NRG3: variants seen among roughly 807,000 people sequenced by gnomAD.
The protein encoded by NRG3 is neuregulin 3.
A neutral mutation model predicts 66.9 loss-of-function variants in NRG3; 31 were observed. That is an observed-to-expected ratio of 0.46 (90% CI 0.35 to 0.63). NRG3 has a LOEUF of 0.63. Among genes scored for constraint, NRG3 ranks in the 20% least tolerant of loss-of-function variants. The pLI, the probability that NRG3 is intolerant of heterozygous loss-of-function variation, is 0.00. For synonymous variants in NRG3, 393 were observed against 359.4 expected, an observed-to-expected ratio of 1.09 and a Z score of -1.06; for missense variants, 910 against 878.9, an observed-to-expected ratio of 1.04 and a Z score of -0.45.
chr10:82,003,988 AACACACACACACACACACAC>A (rs746699197), intron 1 of NRG3, among the ~76,000 whole-genome samples: 113 of 134,422 alleles, frequency 8.4e-4, no homozygotes, highest in African/African-American at 1.9e-3. Context: ...CCTGACTGAA[AACACACACACACACACACAC>A]ACACACACAC....
At chr10:82,180,566 T>G (rs796550919) in intron 1 of NRG3, among the ~76,000 whole-genome samples, 32 of 152,070 alleles carry the variant, frequency 2.1e-4, no homozygotes, top group African/African-American at 7.5e-4. Flanking sequence ...TCTGTTGAAC[T>G]ATCCTTTCAT....
chr10:81,966,895 T>A (rs1332628183), intron 1 of NRG3, among the ~76,000 whole-genome samples: 1 of 152,172 alleles, frequency 6.6e-6, no homozygotes, highest in Non-Finnish European at 1.5e-5. Context: ...ACATCATTAA[T>A]AAATACAAAT....
At chr10:82,243,529 A>AT (rs1317466820) in intron 1 of NRG3, among the ~76,000 whole-genome samples, 2 of 152,180 alleles carry the variant, frequency 1.3e-5, no homozygotes, top group Non-Finnish European at 2.9e-5. Flanking sequence ...AGAAATAAAA[A>AT]TTAAGTCAAA....
chr10:81,935,955 A>G (rs1847824690), intron 1 of NRG3, among the ~76,000 whole-genome samples: 1 of 150,642 alleles, frequency 6.6e-6, no homozygotes, highest in Non-Finnish European at 1.5e-5. Flanking sequence ...TTAAAATGTC[A>G]GCTCTCTGGG....
At chr10:82,278,576 A>T (rs1442230198) in intron 1 of NRG3, among the ~76,000 whole-genome samples, 2 of 152,120 alleles carry the variant, frequency 1.3e-5, no homozygotes, top group Admixed American at 6.6e-5. Flanking sequence ...AATTGAAAAA[A>T]GCTGAGTGAG....
At chr10:82,216,099 A>G (rs2075661697) in intron 1 of NRG3, among the ~76,000 whole-genome samples, 1 of 40,754 alleles carries the variant, frequency 2.5e-5, no homozygotes, top group Non-Finnish European at 3.7e-5. Flanking sequence ...TCCCAAGTAG[A>G]GTAGCTAGGA....
At chr10:82,156,404 A>G (rs1590338320) in intron 1 of NRG3, among the ~76,000 whole-genome samples, 2 of 151,672 alleles carry the variant, frequency 1.3e-5, no homozygotes, top group African/African-American at 4.8e-5. Flanking sequence ...TCCAAAATCT[A>G]TAGATTAAAA....
intron 1 of NRG3, among the ~76,000 whole-genome samples, chr10:82,116,062 A>G (rs1293382982): frequency 6.6e-6 from 1 of 152,140 alleles, no homozygotes; most frequent in East Asian, 1.9e-4. Context: ...TTGTAAATCA[A>G]ATTTTGTACA....
chr10:82,771,659 T>G (rs1482657824), intron 3 of NRG3, among the ~76,000 whole-genome samples: 1 of 152,188 alleles, frequency 6.6e-6, no homozygotes, highest in Non-Finnish European at 1.5e-5. Flanking sequence ...TTACCAAAAT[T>G]ATTAATACTT....
intron 3 of NRG3, among the ~76,000 whole-genome samples, chr10:82,785,486 A>G (rs2060317224): frequency 6.6e-6 from 1 of 152,132 alleles, no homozygotes; most frequent in African/African-American, 2.4e-5. Flanking sequence ...AGAAATTTAA[A>G]CAGTAAAGGC....
At chr10:82,568,483 G>A (rs1413524532) in intron 2 of NRG3, among the ~76,000 whole-genome samples, 1 of 151,778 alleles carries the variant, frequency 6.6e-6, no homozygotes, top group Non-Finnish European at 1.5e-5. Context: ...AGAGCCTGGA[G>A]ATTTGTCCAT....
chr10:82,015,737 C>T (rs557515064), intron 1 of NRG3, among the ~76,000 whole-genome samples: 1 of 151,830 alleles, frequency 6.6e-6, no homozygotes, highest in South Asian at 2.1e-4. Flanking sequence ...TGAAAATGGG[C>T]TAATACATCT....
chr10:82,046,859 G>A (rs1283250494), intron 1 of NRG3, among the ~76,000 whole-genome samples: 16 of 107,608 alleles, frequency 1.5e-4, no homozygotes, highest in Admixed American at 1.3e-3. Flanking sequence ...CTGTTTATAT[G>A]CTGGATTACA....
At chr10:82,485,540 T>A (rs1292615791) in intron 2 of NRG3, among the ~76,000 whole-genome samples, 2 of 150,650 alleles carry the variant, frequency 1.3e-5, no homozygotes, top group Non-Finnish European at 2.9e-5. Flanking sequence ...AACTAGCATT[T>A]GTAAAAAATG....
chr10:82,982,371 C>T (rs984663489), intron 8 of NRG3, among the ~76,000 whole-genome samples: 1 of 152,128 alleles, frequency 6.6e-6, no homozygotes, highest in Non-Finnish European at 1.5e-5. Flanking sequence ...TTTGTAATTT[C>T]TTTGTTGAGG....
At chr10:82,124,727 T>TAA (rs35137297) in intron 1 of NRG3, among the ~76,000 whole-genome samples, 1 of 119,280 alleles carries the variant, frequency 8.4e-6, no homozygotes, top group African/African-American at 2.9e-5. Context: ...GAACTTAAAG[T>TAA]AAAAAAAAAA....
rs189816159 is a variant in NRG3 at position 82,889,175 on chromosome 10, A to G, written c.1054+23738A>G. Among the ~76,000 whole-genome samples, 542 of 152,234 alleles carry G rather than the reference A, an allele frequency of 3.6e-3. 8 individuals carry two copies. Among genetic ancestry groups the G allele is most frequent in the Non-Finnish European group, 2.2e-3 (148 of 68,016 alleles). ...GAGGGAGGGTAAAACAATCAGGTAG[A>G]AGGCTACTGTAAGGATCTAGAGGAG... On this transcript the variant is annotated intron_variant, in intron 4 of 8. Transcript: ENST00000372141.
intron 1 of NRG3, among the ~76,000 whole-genome samples, chr10:82,074,375 G>A (rs1228076187): frequency 6.6e-6 from 1 of 152,074 alleles, no homozygotes; most frequent in Non-Finnish European, 1.5e-5. Flanking sequence ...AGAAACGTTG[G>A]ATTTTACTCT....
chr10:81,887,832 A>T (rs1196136160), intron 1 of NRG3, among the ~76,000 whole-genome samples: 1 of 152,148 alleles, frequency 6.6e-6, no homozygotes, highest in East Asian at 1.9e-4. Flanking sequence ...GAGGAGGGGC[A>T]GGTAGTGAAT....
Sources: gnomAD v4.1 joint callset for allele counts (sites outside exome capture counted in the v4.1 genomes callset) on GRCh38, gnomAD v4.1.1 for gene constraint, MANE v1.5 for transcripts, NCBI Gene and HGNC (gene_info 2026-07-23, HGNC 2026-07-21) for gene names.